Variants in FAM135B observed in about 807,000 individuals in gnomAD.
FAM135B encodes family with sequence similarity 135 member B, also known as protein FAM135B.
A neutral mutation model predicts 127.7 loss-of-function variants in FAM135B; 43 were observed. The observed-to-expected ratio is 0.34, with a 90% CI of 0.26 to 0.43. The LOEUF (loss-of-function observed/expected upper bound fraction) is 0.43. Among genes scored for constraint, FAM135B ranks in the 20% least tolerant of loss-of-function variants. The pLI is 1.00. For missense variants in FAM135B, 1,558 were observed against 1,725.6 expected, an observed-to-expected ratio of 0.90 and a Z score of 1.72; for synonymous variants, 670 against 665.1, an observed-to-expected ratio of 1.01 and a Z score of -0.11.
chr8:138,449,739 C>T (rs1836388917), intron 1 of FAM135B, among the ~76,000 whole-genome samples: 1 of 152,134 alleles, frequency 6.6e-6, no homozygotes, highest in South Asian at 2.1e-4. Context: ...TGTCCCCACA[C>T]ATTAGAACAT....
intron 1 of FAM135B, among the ~76,000 whole-genome samples, chr8:138,423,296 C>T (rs529276667): frequency 1.3e-5 from 2 of 152,286 alleles, no homozygotes; most frequent in East Asian, 3.9e-4. Flanking sequence ...AAAGCCTTTG[C>T]TTTCTACTTA....
At chr8:138,306,422 A>T (rs952056436) in intron 3 of FAM135B, among the ~76,000 whole-genome samples, 1 of 150,782 alleles carries the variant, frequency 6.6e-6, no homozygotes, top group Non-Finnish European at 1.5e-5. Context: ...GAGACTGAGC[A>T]AGACTCCGTC....
chr8:138,257,993 T>TC (rs1822236629), intron 4 of FAM135B, among the ~76,000 whole-genome samples: 2 of 152,198 alleles, frequency 1.3e-5, no homozygotes, highest in Non-Finnish European at 2.9e-5. Flanking sequence ...GTAATTGCTG[T>TC]CCCGTCTACC....
intron 1 of FAM135B, among the ~76,000 whole-genome samples, chr8:138,436,147 TA>T (rs1223184292): frequency 4.6e-5 from 7 of 152,198 alleles, no homozygotes; most frequent in African/African-American, 7.2e-5. Context: ...ATTTAATGCT[TA>T]TCTTACATGT....
chr8:138,375,748 T>A (rs16909004), intron 1 of FAM135B, among the ~76,000 whole-genome samples: 4,493 of 152,286 alleles, frequency 0.03, 153 homozygotes, highest in East Asian at 0.17. Context: ...ATCATCATTA[T>A]CCAGAATGGT....
intron 1 of FAM135B, among the ~76,000 whole-genome samples, chr8:138,384,345 C>CATTTATTTATTT (rs10608773): frequency 6.0e-5 from 9 of 150,922 alleles, no homozygotes; most frequent in East Asian, 2.0e-4. Flanking sequence ...CCATAGGCTC[C>CATTTATTTATTT]ATTTATTTAT....
intron 3 of FAM135B, among the ~76,000 whole-genome samples, chr8:138,282,555 A>G (rs1251799863): frequency 1.3e-5 from 2 of 152,238 alleles, no homozygotes; most frequent in East Asian, 1.9e-4. Context: ...AGATACAGGA[A>G]TGGCAAATAA....
At chr8:138,435,954 T>C (rs1835431662) in intron 1 of FAM135B, among the ~76,000 whole-genome samples, 1 of 152,220 alleles carries the variant, frequency 6.6e-6, no homozygotes, top group Admixed American at 6.5e-5. Flanking sequence ...TCTCCTTGTC[T>C]TTTTGATCAG....
intron 1 of FAM135B, among the ~76,000 whole-genome samples, chr8:138,369,560 A>G (rs1056995839): frequency 6.6e-6 from 1 of 152,156 alleles, no homozygotes; most frequent in Non-Finnish European, 1.5e-5. Context: ...TCTGCAAGAC[A>G]GAATTTCAAT....
intron 1 of FAM135B, chr8:138,425,338 A>C (rs893012576): frequency 6.6e-6 from 1 of 152,230 alleles, no homozygotes; most frequent in African/African-American, 2.4e-5. Flanking sequence ...GCAGGACCAG[A>C]TCTCAAAGAG....
chr8:138,317,565 T>G (rs1033249383), intron 2 of FAM135B, among the ~76,000 whole-genome samples: 10 of 152,204 alleles, frequency 6.6e-5, no homozygotes, highest in African/African-American at 2.4e-4. Context: ...TGCATGTGAT[T>G]CTACAACTAA....
chr8:138,474,095 G>A (rs976831319), intron 1 of FAM135B, among the ~76,000 whole-genome samples: 2 of 152,186 alleles, frequency 1.3e-5, no homozygotes, highest in Admixed American at 6.5e-5. Context: ...CAAAACCATT[G>A]TAGAGTCAGC....
At chr8:138,325,918 A>G (rs576879692) in intron 2 of FAM135B, among the ~76,000 whole-genome samples, 1 of 152,308 alleles carries the variant, frequency 6.6e-6, no homozygotes, top group African/African-American at 2.4e-5. Context: ...AGCTTTAACG[A>G]ATGGTGGGTA....
intron 1 of FAM135B, among the ~76,000 whole-genome samples, chr8:138,456,505 C>A (rs1320082519): frequency 3.3e-5 from 5 of 152,138 alleles, no homozygotes. Context: ...ATGCTCCCAG[C>A]CTAGGGAGAA....
At chr8:138,494,057 C>A (rs565630209) in intron 1 of FAM135B, among the ~76,000 whole-genome samples, 1 of 121,472 alleles carries the variant, frequency 8.2e-6, no homozygotes, top group African/African-American at 4.9e-5. Flanking sequence ...GGCCATTCAA[C>A]ACCAGATTTC....
intron 1 of FAM135B, among the ~76,000 whole-genome samples, chr8:138,488,911 C>T (rs895317566): frequency 2.6e-5 from 4 of 152,266 alleles, no homozygotes; most frequent in South Asian, 2.1e-4. Context: ...GTGATCCGCC[C>T]GCCTCAGCCT....
chr8:138,411,979 C>T (rs866429055), intron 1 of FAM135B, among the ~76,000 whole-genome samples: 1 of 152,074 alleles, frequency 6.6e-6, no homozygotes, highest in Admixed American at 6.6e-5. Context: ...AACCAAATAC[C>T]GTATGTTCTC....
In FAM135B at chr8:138,490,335, C is replaced by A. The variant is rs145091114; in HGVS notation, c.-20+6336G>T. On this transcript the variant is annotated intron_variant, in intron 1 of 19. Coordinates refer to ENST00000395297, the MANE Select transcript of FAM135B (RefSeq NM_015912.4). Reference sequence around the variant, plus strand: ...GTCTAGGAGGGACTCAAGATCTAGACAAGAAAGCTACAGACTGCGAAGGTC... The same window carrying A: ...GTCTAGGAGGGACTCAAGATCTAGAAAAGAAAGCTACAGACTGCGAAGGTC... 2.8e-4 allele frequency among the ~76,000 whole-genome samples: 42 copies of A among 152,298 alleles called. No individual in the cohort carries two copies. The East Asian group carries it at 6.8e-3, about 25-fold the overall frequency.
intron 9 of FAM135B, among the ~76,000 whole-genome samples, chr8:138,178,991 T>C (rs1368629472): frequency 6.6e-6 from 1 of 152,212 alleles, no homozygotes; most frequent in African/African-American, 2.4e-5. Flanking sequence ...AGTATATCTT[T>C]TCCATTTCAT....
Sources: allele counts gnomAD v4.1 joint callset (sites outside exome capture counted in the v4.1 genomes callset), GRCh38; gene constraint gnomAD v4.1.1; transcripts MANE v1.5; gene names NCBI Gene and HGNC (gene_info 2026-07-23, HGNC 2026-07-21).